The following LPCAT3 variants were observed in gnomAD, a reference collection of about 807,000 sequenced individuals.
LPCAT3 encodes the protein lysophospholipid acyltransferase 5.
A neutral mutation model predicts 63.4 loss-of-function variants in LPCAT3; 21 were observed. That is an observed-to-expected ratio of 0.33 (90% CI 0.23 to 0.48). The LOEUF is 0.48. Among genes scored for constraint, LPCAT3 ranks in the 20% least tolerant of loss-of-function variants. The pLI is 0.99. For synonymous variants in LPCAT3, 242 were observed against 227.5 expected, an observed-to-expected ratio of 1.06 and a Z score of -0.58; for missense variants, 451 against 590.6, an observed-to-expected ratio of 0.76 and a Z score of 2.45.
chr12:7,009,863 A>G (rs1591558095), intron 1 of LPCAT3, among the ~76,000 whole-genome samples: 2 of 152,226 alleles, frequency 1.3e-5, no homozygotes, highest in East Asian at 3.8e-4. Context: ...ATTCATATAA[A>G]TTTTGTATTC....
chr12:6,993,746 C>T (rs56780922), intron 1 of LPCAT3, among the ~76,000 whole-genome samples: 6,548 of 152,186 alleles, frequency 0.043, 390 homozygotes, highest in African/African-American at 0.13. Context: ...AATAATATCC[C>T]GTTGTATGGA....
intron 1 of LPCAT3, among the ~76,000 whole-genome samples, chr12:6,998,054 C>T (rs145580247): frequency 5.6e-4 from 84 of 151,252 alleles, no homozygotes; most frequent in African/African-American, 1.9e-3. Context: ...CTTGCTCTGT[C>T]GCAAAGGCTG....
At chr12:7,012,881 T>G (rs1946772990) in intron 1 of LPCAT3, among the ~76,000 whole-genome samples, 1 of 152,246 alleles carries the variant, frequency 6.6e-6, no homozygotes, top group Non-Finnish European at 1.5e-5. Context: ...GGATGGAGTC[T>G]TTTTAAAATT....
Position 6,981,169 on chromosome 12 carries a change from G to A in LPCAT3, c.512C>T (p.Ser171Phe). 1 of 1,608,240 alleles carries A rather than the reference G, an allele frequency of 6.2e-7. No individual in the cohort carries two copies. Among genetic ancestry groups the A allele is most frequent in the Non-Finnish European group, 8.5e-7 (1 of 1,177,820 alleles). The change falls in exon 6 of 13, where the codon TCT (serine) becomes TTT (phenylalanine). Residue 171 changes from serine (S) to phenylalanine (F), a missense_variant. Physicochemically the swap from Ser to Phe is radical, Grantham distance 155. Coordinates refer to ENST00000261407, the MANE Select transcript of LPCAT3 (RefSeq NM_005768.6). ...DGGKDQNSLS[S>F]EQQKYAIRGV... ...ACGTATGGCATATTTCTGTTGCTCA[G>A]AGGACAAGGAATTCTATGCCAAGAA...
chr12:6,990,037 G>A (rs1027716659), intron 1 of LPCAT3, among the ~76,000 whole-genome samples: 11 of 151,586 alleles, frequency 7.3e-5, no homozygotes, highest in African/African-American at 2.2e-4. Flanking sequence ...GTTGGGTGGG[G>A]TGGGTGGTGC....
In LPCAT3 at chr12:6,977,578, C is replaced by A. The variant is rs782239619; in HGVS notation, c.1188+20G>T. 1.2e-6 allele frequency: 2 copies of A among 1,614,044 alleles called. No individual in the cohort carries two copies. The highest frequency in any genetic ancestry group is 1.3e-5 in the African/African-American group (1 of 74,908). On this transcript the variant is annotated intron_variant, in intron 10 of 12. Coordinates refer to ENST00000261407, the MANE Select transcript of LPCAT3 (RefSeq NM_005768.6). The surrounding 1 kb of genome is among the most constrained non-coding windows in gnomAD (Gnocchi z 4.5). ...ATCTTGTCCCTTATATTCCCCTTCA[C>A]CCCCACCCTGGAGGCCTACCTGTCT...
chr12:6,983,371 CAA>C (rs1207302152), intron 2 of LPCAT3, 59 bp downstream of exon 2: 1 of 1,157,258 alleles, frequency 8.6e-7, no homozygotes. Flanking sequence ...AAATTTTGTT[CAA>C]GTCTGTTCCT....
At chr12:7,002,165 G>C (rs1255331867) in intron 1 of LPCAT3, among the ~76,000 whole-genome samples, 2 of 152,112 alleles carry the variant, frequency 1.3e-5, no homozygotes, top group Non-Finnish European at 2.9e-5. Context: ...TCAGGCGTCC[G>C]ATTCCTTCTG....
intron 2 of LPCAT3, 52 bp from the exon 3 acceptor site, chr12:6,982,834 G>A (rs1010263488): frequency 1.7e-6 from 2 of 1,203,460 alleles, no homozygotes; most frequent in Non-Finnish European, 2.5e-6. Context: ...CCACCGTCCT[G>A]AGACTTCCAA....
Position 6,977,731 on chromosome 12 carries a change from C to G in LPCAT3, c.1055G>C (p.Arg352Pro). Reference protein sequence around the residue: ...NAWVARYIFKRLKFLGNKELS... With the variant: ...NAWVARYIFKPLKFLGNKELS... ...TTCTTTATTTCCAAGGAACTTGAGT[C>G]GTTTGAAGATGTAGCTGGAGAAAAG... Residue 352 changes from arginine to proline, a missense_variant, in exon 10 of 13, where the codon CGA becomes CCA. Around this residue, in one of 3 missense-constraint regions of LPCAT3, gnomAD observed 304 missense variants for 390.8 expected, o/e 0.78. Coordinates refer to ENST00000261407, the MANE Select transcript of LPCAT3 (RefSeq NM_005768.6). The surrounding 1 kb of genome is among the most constrained non-coding windows in gnomAD (Gnocchi z 4.5). 1 of 1,613,990 alleles carries G rather than the reference C, an allele frequency of 6.2e-7. No individual in the cohort carries two copies. The highest frequency in any genetic ancestry group is 8.5e-7 in the Non-Finnish European group (1 of 1,180,020).
At chr12:6,979,918 T>G in intron 6 of LPCAT3, 1 of 224,304 alleles carries the variant, frequency 4.5e-6, no homozygotes, top group Non-Finnish European at 8.6e-6. Context: ...GGTAAGATAA[T>G]AAAAATAACC....
chr12:7,013,072 T>C (rs1946775634), intron 1 of LPCAT3, among the ~76,000 whole-genome samples: 1 of 152,224 alleles, frequency 6.6e-6, no homozygotes, highest in African/African-American at 2.4e-5. Context: ...AAGTGTAATA[T>C]ATACTTGGAA....
intron 1 of LPCAT3, among the ~76,000 whole-genome samples, chr12:7,006,212 G>C (rs984413665): frequency 6.6e-6 from 1 of 152,094 alleles, no homozygotes; most frequent in Non-Finnish European, 1.5e-5. Flanking sequence ...AACTGACATT[G>C]GTCAGTTTAC....
intron 1 of LPCAT3, among the ~76,000 whole-genome samples, chr12:6,994,265 T>C (rs1377088553): frequency 1.3e-5 from 2 of 152,200 alleles, no homozygotes; most frequent in Non-Finnish European, 2.9e-5. Context: ...TGAAGTGCAG[T>C]GGCATGATCT....
At chr12:7,005,619 T>C (rs1293012588) in intron 1 of LPCAT3, among the ~76,000 whole-genome samples, 1 of 152,252 alleles carries the variant, frequency 6.6e-6, no homozygotes, top group Non-Finnish European at 1.5e-5. Flanking sequence ...TTTTTGATTA[T>C]TGCCATCCTA....
chr12:6,980,133 G>A (rs1946455391), intron 6 of LPCAT3, among the ~76,000 whole-genome samples: 1 of 149,408 alleles, frequency 6.7e-6, no homozygotes, highest in African/African-American at 2.5e-5. Context: ...CTGTGGCCTT[G>A]AACTCCTGGG....
chr12:6,983,352 C>T lies in LPCAT3; in HGVS notation c.259+80G>A, dbSNP rs1045826161. 217 of 911,704 alleles carry T rather than the reference C, an allele frequency of 2.4e-4. 1 individual carries two copies. The highest frequency in any genetic ancestry group is 9.2e-4 in the Middle Eastern group (4 of 4,368). The allele number at this position is 911,704 out of a possible 1,614,324, so 56.5% of individuals were successfully genotyped here. A position where few individuals can be genotyped will look rare whatever the true frequency, so the allele number is the denominator to read the frequency against. On this transcript the variant is annotated intron_variant, in intron 2 of 12. Transcript: ENST00000261407. ...TTATAACTTCCCTACCTATTAGATT[C>T]TCTCAAGGAAATTTTGTTCAAGTCT...
At chr12:6,993,360 G>A (rs1300880223) in intron 1 of LPCAT3, among the ~76,000 whole-genome samples, 1 of 151,988 alleles carries the variant, frequency 6.6e-6, no homozygotes, top group Non-Finnish European at 1.5e-5. Context: ...CTTGAACCCA[G>A]GAGGCAGAGA....
chr12:6,991,055 T>C (rs967179970), intron 1 of LPCAT3, among the ~76,000 whole-genome samples: 1 of 152,124 alleles, frequency 6.6e-6, no homozygotes, highest in African/African-American at 2.4e-5. Context: ...CCACTATATT[T>C]CCCAAAACAA....
Sources: allele counts gnomAD v4.1 joint callset (sites outside exome capture counted in the v4.1 genomes callset), GRCh38; gene constraint gnomAD v4.1.1; regional missense constraint gnomAD v4.1.1; non-coding constraint Gnocchi (gnomAD v3.1); transcripts MANE v1.5; gene names NCBI Gene and HGNC (gene_info 2026-07-23, HGNC 2026-07-21).